NOTCH2: variants seen among roughly 807,000 people sequenced by gnomAD.
NOTCH2 encodes the protein notch receptor 2.
Under a neutral mutation model 235.8 loss-of-function variants are expected in NOTCH2, and 29 were observed. The observed-to-expected ratio is 0.12, with a 90% CI of 0.09 to 0.17. NOTCH2 has a LOEUF of 0.17. Ranked by LOEUF, NOTCH2 falls within the 10% of genes least tolerant of loss-of-function variation. NOTCH2 has a pLI of 1.00. For missense variants in NOTCH2, 2,285 were observed against 3,150.2 expected, an observed-to-expected ratio of 0.73 and a Z score of 6.57; for synonymous variants, 1,086 against 1,141.5, an observed-to-expected ratio of 0.95 and a Z score of 0.98.
chr1:119,974,627 A>T (rs1570706420), intron 5 of NOTCH2, among the ~76,000 whole-genome samples: 2 of 152,288 alleles, frequency 1.3e-5, no homozygotes, highest in Middle Eastern at 3.4e-3. Context: ...ACTTTTGTTG[A>T]TTCCTCAAAC....
intron 2 of NOTCH2, among the ~76,000 whole-genome samples, chr1:120,024,925 G>A (rs1570757550): frequency 2.7e-5 from 4 of 150,346 alleles, no homozygotes; most frequent in Admixed American, 2.6e-4. Flanking sequence ...GAGAATCACT[G>A]AAAGCAGGCA....
intron 14 of NOTCH2, 116 bp from the exon 15 acceptor site, chr1:119,950,953 T>C: frequency 9.4e-6 from 7 of 747,964 alleles, no homozygotes; most frequent in Non-Finnish European, 1.7e-5. Flanking sequence ...ATTCATTTCT[T>C]CAGGCCACTG....
At chr1:119,937,142 G>GT in intron 21 of NOTCH2, 140 bp downstream of exon 21, 2 of 865,854 alleles carry the variant, frequency 2.3e-6, no homozygotes, top group Middle Eastern at 3.3e-4. Context: ...AGAAACAGTG[G>GT]TAAACATTAT....
rs1650507572 is a variant in NOTCH2, at chr1:119,952,270, G to T, written c.2365+1273C>A. ...CTCAGCATTTTTGGCACCAGGGATT[G>T]GTTTCGTGGAAGACAATTTTTCCAT... On this transcript the variant is annotated intron_variant, in intron 14 of 33. Coordinates refer to ENST00000256646, the MANE Select transcript of NOTCH2 (RefSeq NM_024408.4). Among the ~76,000 whole-genome samples, 2 of 152,192 alleles carry T rather than the reference G, an allele frequency of 1.3e-5. 1 individual carries two copies. The highest frequency in any genetic ancestry group is 4.1e-4 in the South Asian group (2 of 4,828).
chr1:120,002,423 T>C (rs1652796448), intron 3 of NOTCH2, among the ~76,000 whole-genome samples: 1 of 151,382 alleles, frequency 6.6e-6, no homozygotes, highest in Admixed American at 6.6e-5. Flanking sequence ...CTCTTAGTAT[T>C]ACCATGCCCT....
chr1:119,943,593 A>G (rs1263649564), intron 17 of NOTCH2, among the ~76,000 whole-genome samples: 1 of 152,244 alleles, frequency 6.6e-6, no homozygotes, highest in Non-Finnish European at 1.5e-5. Flanking sequence ...ACAAAGCTCA[A>G]AAATGTTTTT....
intron 22 of NOTCH2, 134 bp downstream of exon 22, chr1:119,935,338 G>C: frequency 6.3e-7 from 1 of 1,599,244 alleles, no homozygotes; most frequent in Non-Finnish European, 8.5e-7. Flanking sequence ...TGAATTACTA[G>C]GATGTAGAAC....
Position 119,916,635 on chromosome 1 carries a change from C to T in NOTCH2, c.6087G>A (p.Leu2029=), listed in dbSNP as rs141606816. 1 of 1,614,082 alleles carries T rather than the reference C, an allele frequency of 6.2e-7. No homozygotes were observed. Among genetic ancestry groups the T allele is most frequent in the Non-Finnish European group, 8.5e-7 (1 of 1,180,042 alleles). The change falls in exon 34 of 34, where the codon CTG becomes CTA. Residue 2029 remains leucine, a synonymous_variant. Transcript: ENST00000256646. Reference sequence around the variant, plus strand: ...TGTCTCGATTGGCAAAATGGTCTAACAGGATCTTGGCTGCTTCATAGCTCC... The same window carrying T: ...TGTCTCGATTGGCAAAATGGTCTAATAGGATCTTGGCTGCTTCATAGCTCC... The part of the protein sequence containing the change: ...REGSYEAAKI[L]LDHFANRDIT...
chr1:119,987,850 T>A (rs1652079718), intron 4 of NOTCH2, among the ~76,000 whole-genome samples: 1 of 152,186 alleles, frequency 6.6e-6, no homozygotes, highest in African/African-American at 2.4e-5. Flanking sequence ...CATTGCTTCC[T>A]TCCTCTTGAC....
intron 11 of NOTCH2, 32 bp from the exon 12 acceptor site, chr1:119,959,534 A>G (rs1331073660): frequency 9.5e-6 from 11 of 1,154,792 alleles, no homozygotes; most frequent in Admixed American, 1.7e-5. Flanking sequence ...AAACCATTCA[A>G]TGTTACCACA....
chr1:119,926,895 A>G (rs1649494886), intron 23 of NOTCH2, among the ~76,000 whole-genome samples: 1 of 152,244 alleles, frequency 6.6e-6, no homozygotes, highest in African/African-American at 2.4e-5. Context: ...TCCCATCAAA[A>G]AAAGAGAAAT....
intron 21 of NOTCH2, 94 bp downstream of exon 21, chr1:119,937,188 T>A: frequency 8.1e-7 from 1 of 1,231,176 alleles, no homozygotes; most frequent in Non-Finnish European, 1.2e-6. Flanking sequence ...ACTATCAATA[T>A]AAGATACAAG....
intron 2 of NOTCH2, among the ~76,000 whole-genome samples, chr1:120,009,322 C>T (rs2101254585): frequency 6.6e-6 from 1 of 151,372 alleles, no homozygotes; most frequent in South Asian, 2.1e-4. Context: ...AGCCCATGTA[C>T]AGAACCATAT....
chr1:119,922,572 A>T (rs1446581955), intron 27 of NOTCH2, 64 bp downstream of exon 27: 1 of 1,611,268 alleles, frequency 6.2e-7, no homozygotes, highest in Non-Finnish European at 8.5e-7. Context: ...TACATAATGA[A>T]AATTGTTCCC....
chr1:120,037,751 C>T (rs1553212127), intron 1 of NOTCH2, among the ~76,000 whole-genome samples: 1 of 151,174 alleles, frequency 6.6e-6, no homozygotes, highest in South Asian at 2.1e-4. Context: ...TTTATGTGCT[C>T]TTTACAGATA....
At chr1:120,005,158 C>T (rs1334451287) in intron 3 of NOTCH2, 171 bp downstream of exon 3, 16 of 864,580 alleles carry the variant, frequency 1.9e-5, no homozygotes, top group Non-Finnish European at 3.0e-5. Context: ...CCCTGAAACT[C>T]TTAAAAGGAA....
At chr1:119,955,355 A>T in intron 12 of NOTCH2, 123 bp from the exon 13 acceptor site, 1 of 911,996 alleles carries the variant, frequency 1.1e-6, no homozygotes, top group Admixed American at 2.0e-5. Context: ...TGAGGCACCA[A>T]ATGTCAAGAT....
rs587662181 is a variant in NOTCH2, at chr1:120,069,366, G to A, written c.41C>T (p.Ala14Val). The A allele has an allele frequency of 3.0e-5, 47 of 1,570,776 alleles. No homozygotes were observed. Among genetic ancestry groups the A allele is most frequent in the Non-Finnish European group, 3.9e-5 (45 of 1,166,992 alleles). Residue 14 changes from alanine (A) to valine (V), a missense_variant, in exon 1 of 34, where the codon GCG becomes GTG. By Grantham distance (64) the Ala-to-Val change is moderately conservative. Transcript: ENST00000256646. ...LRPALLWALL[A>V]LWLCCAAPAH... Reference sequence around the variant, plus strand: ...GGGGGCCGCGCAGCACAGCCAGAGCGCCAGCAGCGCCCACAGCAGAGCGGG... The same window carrying A: ...GGGGGCCGCGCAGCACAGCCAGAGCACCAGCAGCGCCCACAGCAGAGCGGG...
At chr1:119,930,687 G>A (rs1426476886) in intron 22 of NOTCH2, among the ~76,000 whole-genome samples, 1 of 151,974 alleles carries the variant, frequency 6.6e-6, no homozygotes, top group Non-Finnish European at 1.5e-5. Flanking sequence ...GCTGAGGCAG[G>A]AGAATCACTT....
Sources: allele counts gnomAD v4.1 joint callset (sites outside exome capture counted in the v4.1 genomes callset), GRCh38; gene constraint gnomAD v4.1.1; transcripts MANE v1.5; gene names NCBI Gene and HGNC (gene_info 2026-07-23, HGNC 2026-07-21).